The following MAP4K4 variants were observed in gnomAD, a reference collection of about 807,000 sequenced individuals.
MAP4K4 encodes the protein mitogen-activated protein kinase kinase kinase kinase 4.
Under a neutral mutation model 189.6 loss-of-function variants are expected in MAP4K4, and 38 were observed. The observed-to-expected ratio is 0.20, with a 90% CI of 0.15 to 0.26. The LOEUF is 0.26. Ranked by LOEUF, MAP4K4 falls within the 10% of genes least tolerant of loss-of-function variation. The probability of loss-of-function intolerance (pLI) is 1.00; values close to 1 mark genes in which losing one functional copy is unlikely to be tolerated. For synonymous variants in MAP4K4, 610 were observed against 624.3 expected, an observed-to-expected ratio of 0.98 and a Z score of 0.34; for missense variants, 1,054 against 1,726.9, an observed-to-expected ratio of 0.61 and a Z score of 6.91.
intron 18 of MAP4K4, 60 bp downstream of exon 18, chr2:101,865,096 T>C: frequency 2.0e-6 from 2 of 1,023,270 alleles, no homozygotes; most frequent in Admixed American, 2.7e-5. Flanking sequence ...AGCCTTACAT[T>C]GTCTGTTTCA....
chr2:101,753,280 A>G (rs2070199277), intron 2 of MAP4K4, among the ~76,000 whole-genome samples: 1 of 152,208 alleles, frequency 6.6e-6, no homozygotes, highest in South Asian at 2.1e-4. Context: ...TTTGATTTAA[A>G]GAGTTAATCA....
At chr2:101,853,288 G>T (rs2097344300) in intron 12 of MAP4K4, among the ~76,000 whole-genome samples, 1 of 152,146 alleles carries the variant, frequency 6.6e-6, no homozygotes, top group Non-Finnish European at 1.5e-5. Flanking sequence ...AAAAGAACTC[G>T]AAGGATATAG....
chr2:101,784,781 C>T (rs2089792522), intron 2 of MAP4K4, among the ~76,000 whole-genome samples: 1 of 152,252 alleles, frequency 6.6e-6, no homozygotes, highest in East Asian at 1.9e-4. Context: ...CTTGGCAGTT[C>T]CTATGTAAGT....
In MAP4K4 at chr2:101,869,753, A is replaced by T. The variant is rs1333511577; in HGVS notation, c.2595A>T (p.Glu865Asp). The stretch of plus-strand genomic sequence containing the variant: ...AGGAGGACGACGATGTGGAGCAGGA[A>T]GGGGCTGACGAGTCCACCTCAGGAC... Residue 865 changes from glutamate to aspartate, a missense_variant, in exon 22 of 33, where the codon GAA becomes GAT. Glu to Asp is a conservative substitution (Grantham distance 45). Transcript: ENST00000324219. The T allele has an allele frequency of 2.5e-6, 4 of 1,587,798 alleles. No individual in the cohort carries two copies. The highest frequency in any genetic ancestry group is 3.4e-4 in the Middle Eastern group (2 of 5,962).
chr2:101,866,375 T>C (rs1238442489), intron 18 of MAP4K4, 53 bp from the exon 19 acceptor site: 1 of 1,553,060 alleles, frequency 6.4e-7, no homozygotes, highest in African/African-American at 1.4e-5. Context: ...GGTAATTTGG[T>C]GCTGCATCTA....
chr2:101,844,962 A>C (rs1354202334), intron 12 of MAP4K4, among the ~76,000 whole-genome samples: 1 of 152,098 alleles, frequency 6.6e-6, no homozygotes, highest in African/African-American at 2.4e-5. Flanking sequence ...TAAGATTTGG[A>C]CATAGAGGCG....
chr2:101,860,643 T>C, intron 15 of MAP4K4, 182 bp from the exon 16 acceptor site: 1 of 523,656 alleles, frequency 1.9e-6, no homozygotes, highest in East Asian at 3.0e-5. Context: ...TATTTTCTTT[T>C]TCCTGAATCT....
chr2:101,892,090 A>G (rs1310449763), exon 33 of MAP4K4: 1 of 151,690 alleles, frequency 6.6e-6, no homozygotes, highest in Non-Finnish European at 1.5e-5. Flanking sequence ...CAGTATTAGC[A>G]CTGCCTCAGT....
At position 101,704,564 on chromosome 2, in the gene MAP4K4, TA is replaced by T. The variant is rs1438405416; in HGVS notation, c.123+6027del. Among the ~76,000 whole-genome samples the T allele has an allele frequency of 3.0e-3, 203 of 67,226 alleles. 7 individuals are homozygous for T. The highest frequency in any genetic ancestry group is 5.6e-3 in the African/African-American group (93 of 16,748). The allele number at this position is 67,226 out of a possible 152,430, so 44.1% of individuals were successfully genotyped here. A position where few individuals can be genotyped will look rare whatever the true frequency, so the allele number is the denominator to read the frequency against. ...GTGTATATATATATATATATATATA[TA>T]TATTTTTTTTTTTTTTTTTTTTTTT... is the stretch of plus-strand genomic sequence containing the variant. On this transcript the variant is annotated intron_variant, in intron 2 of 32. Transcript: ENST00000324219.
intron 5 of MAP4K4, among the ~76,000 whole-genome samples, chr2:101,828,932 TTTCCTTGGGAAAGAAAG>T (rs2096486505): frequency 6.6e-6 from 1 of 152,244 alleles, no homozygotes. Context: ...AGTAGGTTTG[TTTCCTTGGGAAAGAAAG>T]ATACTTTATT....
chr2:101,713,470 C>T (rs2046729887), intron 2 of MAP4K4, among the ~76,000 whole-genome samples: 1 of 151,900 alleles, frequency 6.6e-6, no homozygotes, highest in Admixed American at 6.6e-5. Flanking sequence ...GTGGCGCATG[C>T]CTGTAATCCC....
rs149283961 is a variant in MAP4K4 at position 101,729,101 on chromosome 2, A to AGAGTGTGTGTGTGTGT, written c.123+30564_123+30565insAGTGTGTGTGTGTGTG. Among the ~76,000 whole-genome samples, 80 of 130,596 alleles carry AGAGTGTGTGTGTGTGT rather than the reference A, an allele frequency of 6.1e-4. No homozygotes were observed. The East Asian group carries it at 6.5e-3, about 11-fold the overall frequency. The allele number at this position is 130,596 out of a possible 152,430, so 85.7% of individuals were successfully genotyped here. ...AGGAGAGAGAGAGAGAGAGAGAGAGAGTGTGTGTGTGTGTGTGTGTGTGTG... is the reference window on the plus strand; with the variant it reads ...AGGAGAGAGAGAGAGAGAGAGAGAGAGAGTGTGTGTGTGTGTGTGTGTGTGTGTGTGTGTGTGTGTG... On this transcript the variant is annotated intron_variant, in intron 2 of 32. Coordinates refer to ENST00000324219, the Ensembl canonical transcript of MAP4K4.
intron 2 of MAP4K4, 107 bp from the exon 3 acceptor site, chr2:101,790,613 G>A: frequency 1.2e-5 from 9 of 774,574 alleles, no homozygotes; most frequent in Admixed American, 4.0e-5. Flanking sequence ...GTTAGTCAGA[G>A]ATAAGTATAG....
At chr2:101,819,094 CTT>C (rs1024446884) in intron 3 of MAP4K4, among the ~76,000 whole-genome samples, 4 of 152,152 alleles carry the variant, frequency 2.6e-5, no homozygotes, top group Non-Finnish European at 4.4e-5. Flanking sequence ...GCCAACTCAA[CTT>C]TCTTTTTGTA....
At chr2:101,869,948 C>A in intron 22 of MAP4K4, 151 bp downstream of exon 22, 1 of 1,033,136 alleles carries the variant, frequency 9.7e-7, no homozygotes, top group Non-Finnish European at 1.4e-6. Flanking sequence ...CTTGTGTTTC[C>A]CCTTCTCTTC....
At chr2:101,870,071 TTTAA>T (rs2097937439) in intron 22 of MAP4K4, 11 of 623,256 alleles carry the variant, frequency 1.8e-5, no homozygotes, top group Non-Finnish European at 2.5e-5. Flanking sequence ...GTATAACTAC[TTTAA>T]TTAGCCATAA....
chr2:101,777,836 A>G (rs2085089643), intron 2 of MAP4K4, among the ~76,000 whole-genome samples: 1 of 152,202 alleles, frequency 6.6e-6, no homozygotes, highest in Non-Finnish European at 1.5e-5. Flanking sequence ...TGGCCTCAGA[A>G]TCATGACCGT....
Position 101,698,441 on chromosome 2 carries a change from A to G in MAP4K4, c.58-32A>G. On this transcript the variant is annotated intron_variant, in intron 1 of 32. Transcript: ENST00000324219. ...TTTATTCATTTTTTTGGCTTCTTTTAAATGATAACCCCTCCCCTCCTTCCT... is the reference window on the plus strand; with the variant it reads ...TTTATTCATTTTTTTGGCTTCTTTTGAATGATAACCCCTCCCCTCCTTCCT... 3.1e-6 allele frequency: 5 copies of G among 1,592,682 alleles called. No individual in the cohort carries two copies. In the South Asian group the frequency reaches 4.4e-5, roughly 14 times the overall value.
chr2:101,720,012 CA>C (rs1396823266), intron 2 of MAP4K4, among the ~76,000 whole-genome samples: 3 of 150,920 alleles, frequency 2.0e-5, no homozygotes, highest in African/African-American at 7.3e-5. Flanking sequence ...GACTAGGTCT[CA>C]AAAAGAGTTC....
Sources: allele counts gnomAD v4.1 joint callset (sites outside exome capture counted in the v4.1 genomes callset), GRCh38; gene constraint gnomAD v4.1.1; transcripts MANE v1.5; gene names NCBI Gene and HGNC (gene_info 2026-07-23, HGNC 2026-07-21).